The following PKHD1L1 variants were observed in gnomAD, a reference collection of about 807,000 sequenced individuals.
PKHD1L1 encodes the protein fibrocystin-L.
Under a neutral mutation model 462.9 loss-of-function variants are expected in PKHD1L1, and 434 were observed. That is an observed-to-expected ratio of 0.94 (90% CI 0.87 to 1.02). The LOEUF is 1.02. PKHD1L1 is among the 50% of genes least tolerant of loss of function. The probability of loss-of-function intolerance (pLI) is 0.00; values close to 1 mark genes in which losing one functional copy is unlikely to be tolerated. For missense variants in PKHD1L1, 5,202 were observed against 5,096.1 expected, an observed-to-expected ratio of 1.02 and a Z score of -0.63; for synonymous variants, 1,781 against 1,750.0, an observed-to-expected ratio of 1.02 and a Z score of -0.44.
intron 21 of PKHD1L1, among the ~76,000 whole-genome samples, chr8:109,418,199 A>T (rs1419763340): frequency 6.6e-6 from 1 of 152,064 alleles, no homozygotes; most frequent in Non-Finnish European, 1.5e-5. Context: ...AGAATTGCAT[A>T]ATCAGTTGTA....
chr8:109,427,403 G>C (rs145106495), intron 25 of PKHD1L1, among the ~76,000 whole-genome samples: 2 of 152,282 alleles, frequency 1.3e-5, no homozygotes, highest in African/African-American at 4.8e-5. Context: ...CCAGAAATAT[G>C]TGTGTTAGAA....
intron 8 of PKHD1L1, 32 bp from the exon 9 acceptor site, chr8:109,390,420 T>C (rs775710034): frequency 7.7e-7 from 1 of 1,295,796 alleles, no homozygotes. Flanking sequence ...GACTGGGAAT[T>C]TAATTGATTG....
intron 18 of PKHD1L1, among the ~76,000 whole-genome samples, chr8:109,409,323 A>G (rs964095261): frequency 2.0e-5 from 3 of 151,592 alleles, no homozygotes; most frequent in African/African-American, 7.3e-5. Context: ...ATCTCCACTC[A>G]CTGCAACCCT....
chr8:109,375,264 C>T (rs1369989543), intron 2 of PKHD1L1, among the ~76,000 whole-genome samples: 1 of 152,196 alleles, frequency 6.6e-6, no homozygotes, highest in Non-Finnish European at 1.5e-5. Flanking sequence ...TCTTCCATCG[C>T]TGATACCCTA....
intron 10 of PKHD1L1, 28 bp downstream of exon 10, chr8:109,394,513 C>CG (rs765520503): frequency 1.6e-5 from 22 of 1,400,804 alleles, no homozygotes; most frequent in South Asian, 7.3e-5. Context: ...CACTCTGTTG[C>CG]GGGGGTGGTG....
rs1383927869 is a variant in PKHD1L1 at position 109,505,916 on chromosome 8, A to C, written c.10994+1424A>C. On this transcript the variant is annotated intron_variant, in intron 68 of 77. Coordinates refer to ENST00000378402, the MANE Select transcript of PKHD1L1 (RefSeq NM_177531.6). ...TGAGACCCTGTCTCAGAAAAAAAGT[A>C]GGCACCTCTTCAGATAAATATAATA... Among the ~76,000 whole-genome samples, 5 of 152,114 alleles carry C rather than the reference A, an allele frequency of 3.3e-5. No homozygotes were observed. In the South Asian group the frequency reaches 1.0e-3, roughly 32 times the overall value.
chr8:109,492,068 C>A, intron 62 of PKHD1L1, 74 bp downstream of exon 62: 1 of 1,198,368 alleles, frequency 8.3e-7, no homozygotes, highest in Non-Finnish European at 1.1e-6. Context: ...ATAAAATGAG[C>A]TAACTAAAGG....
chr8:109,435,467 C>T (rs921673099), intron 29 of PKHD1L1, 113 bp downstream of exon 29: 2 of 1,153,572 alleles, frequency 1.7e-6, no homozygotes, highest in African/African-American at 3.1e-5. Context: ...TCTTATAGAA[C>T]AAAGGAAAGT....
intron 50 of PKHD1L1, among the ~76,000 whole-genome samples, chr8:109,471,844 T>C (rs1408720045): frequency 6.6e-6 from 1 of 152,208 alleles, no homozygotes; most frequent in East Asian, 1.9e-4. Context: ...ACTTAGTTTT[T>C]AAAATTTATT....
Position 109,452,831 on chromosome 8 carries a change from G to C in PKHD1L1, c.6621G>C (p.Leu2207=), listed in dbSNP as rs1673404. Residue 2207 remains leucine, a synonymous_variant, in exon 43 of 78, where the codon CTG becomes CTC. Coordinates refer to ENST00000378402, the MANE Select transcript of PKHD1L1 (RefSeq NM_177531.6). The stretch of plus-strand genomic sequence containing the variant: ...TTATTACAAAAGGACAGACCATTCT[G>C]CTGGATCAAAGCACCCCTATTTTGA... ...LVVITKGQTI[L]LDQSTPILKM... 791,831 of 1,517,192 alleles carry C rather than the reference G, an allele frequency of 0.52. 209,149 individuals are homozygous for C. Among genetic ancestry groups the C allele is most frequent in the South Asian group, 0.64 (46,937 of 73,702 alleles). 94.0% of individuals were successfully genotyped at this position (1,517,192 alleles called of 1,614,324 possible).
chr8:109,441,399 T>C lies in PKHD1L1; in HGVS notation c.4204+20T>C. ...ATTCAGGTATCAGCCATTTATATAC[T>C]ATGAAATAATGGAAGCACTGAAACC... On this transcript the variant is annotated intron_variant, in intron 34 of 77. Coordinates refer to ENST00000378402, the MANE Select transcript of PKHD1L1 (RefSeq NM_177531.6). 7.4e-7 allele frequency: 1 copy of C among 1,349,398 alleles called. No individual in the cohort carries two copies. Among genetic ancestry groups the C allele is most frequent in the Non-Finnish European group, 1.0e-6 (1 of 969,838 alleles). 83.6% of individuals were successfully genotyped at this position (1,349,398 alleles called of 1,614,324 possible).
At chr8:109,520,120 C>T (rs1820472994) in intron 73 of PKHD1L1, among the ~76,000 whole-genome samples, 1 of 152,086 alleles carries the variant, frequency 6.6e-6, no homozygotes, top group African/African-American at 2.4e-5. Flanking sequence ...TTTATAAACT[C>T]TTGGTTAGAA....
rs971299611 is a variant in PKHD1L1 at position 109,413,353 on chromosome 8, A to C, written c.2236-68A>C. 8.4e-6 allele frequency: 9 copies of C among 1,068,334 alleles called. No individual in the cohort carries two copies. In the African/African-American group the frequency reaches 1.5e-4, roughly 18 times the overall value. The allele number at this position is 1,068,334 out of a possible 1,614,324, so 66.2% of individuals were successfully genotyped here. ...ATAAATATTTATTGACTTTGAATTT[A>C]TTTGAATTGTTGTGAAACAATGTAA... On this transcript the variant is annotated intron_variant, in intron 20 of 77. Coordinates refer to ENST00000378402, the MANE Select transcript of PKHD1L1 (RefSeq NM_177531.6).
At chr8:109,385,759 C>A in intron 6 of PKHD1L1, 129 bp downstream of exon 6, 7 of 532,194 alleles carry the variant, frequency 1.3e-5, no homozygotes, top group South Asian at 4.1e-5. Context: ...TTTTTTTCAG[C>A]CATATTATAG....
intron 45 of PKHD1L1, among the ~76,000 whole-genome samples, chr8:109,455,677 A>G (rs1321924561): frequency 2.0e-5 from 3 of 152,158 alleles, no homozygotes; most frequent in Admixed American, 6.5e-5. Flanking sequence ...AGCAAGTAAA[A>G]ATGATTTTGA....
rs111499781 is a variant in PKHD1L1, at chr8:109,510,342, CAA to C, written c.11396-433_11396-432del. On this transcript the variant is annotated intron_variant, in intron 70 of 77. Transcript: ENST00000378402. ...AACTCTATTATAGCACATTTCCTAA[CAA>C]AGAGCCTGAGAAAGTTCAATTCCCA... Among the ~76,000 whole-genome samples the C allele has an allele frequency of 1.9e-3, 286 of 152,208 alleles. 2 individuals are homozygous for C. The highest frequency in any genetic ancestry group is 6.6e-3 in the African/African-American group (274 of 41,538).
chr8:109,418,581 G>T (rs1814304291), intron 21 of PKHD1L1, among the ~76,000 whole-genome samples: 1 of 152,118 alleles, frequency 6.6e-6, no homozygotes, highest in African/African-American at 2.4e-5. Context: ...CATTTAAAAG[G>T]TACTGTGCAA....
At chr8:109,428,395 T>A (rs6469261) in intron 25 of PKHD1L1, among the ~76,000 whole-genome samples, 95,788 of 151,966 alleles carry the variant, frequency 0.63, 31,190 homozygotes, top group African/African-American at 0.79. Context: ...AATTCGTGAC[T>A]TAAAGTGGAA....
At chr8:109,461,747 T>C (rs1457525213) in intron 47 of PKHD1L1, 25 bp from the exon 48 acceptor site, 6 of 1,586,828 alleles carry the variant, frequency 3.8e-6, no homozygotes, top group South Asian at 1.2e-5. Context: ...ATTTTTTTAA[T>C]GATGCTTTAA....
Sources: allele counts gnomAD v4.1 joint callset (sites outside exome capture counted in the v4.1 genomes callset), GRCh38; gene constraint gnomAD v4.1.1; transcripts MANE v1.5; gene names NCBI Gene and HGNC (gene_info 2026-07-23, HGNC 2026-07-21).